SEC14L5: variants seen among roughly 807,000 people sequenced by gnomAD.
SEC14L5 encodes the protein SEC14 like lipid binding 5.
Under a neutral mutation model 84.6 loss-of-function variants are expected in SEC14L5, and 96 were observed. The observed-to-expected ratio is 1.13, with a 90% CI of 0.96 to 1.34. SEC14L5 has a LOEUF of 1.34. Ranked by LOEUF, SEC14L5 falls within the 40% of genes most tolerant of loss-of-function variation. SEC14L5 has a pLI of 0.00. For missense variants in SEC14L5, 1,224 were observed against 942.5 expected (o/e 1.30, Z -3.91); for synonymous variants, 546 against 383.4 (o/e 1.42, Z -4.95).
At chr16:4,960,949 C>T (rs1382115074) in intron 2 of SEC14L5, among the ~76,000 whole-genome samples, 1 of 152,112 alleles carries the variant, frequency 6.6e-6, no homozygotes, top group East Asian at 1.9e-4. Context: ...CTGTGCTCTG[C>T]CATGCTCTGG....
In SEC14L5 at chr16:4,988,008, TC is replaced by T. The variant is rs913340389; in HGVS notation, c.214-139del. 4.6e-6 allele frequency: 4 copies of T among 878,274 alleles called. No individual in the cohort carries two copies. In the African/African-American group the frequency reaches 6.8e-5, roughly 15 times the overall value. The allele number at this position is 878,274 out of a possible 1,614,324, so 54.4% of individuals were successfully genotyped here. ...GGAAGTCGGGGGTTGGTGTCCTGGGTCCGGGCTGGGTGGGCGGTGGCGCAAG... is the reference window on the plus strand; with the variant it reads ...GGAAGTCGGGGGTTGGTGTCCTGGGTCGGGCTGGGTGGGCGGTGGCGCAAG... On this transcript the variant is annotated intron_variant, in intron 3 of 15. Transcript: ENST00000251170.
intron 7 of SEC14L5, 120 bp from the exon 8 acceptor site, chr16:4,996,735 C>G: frequency 1.3e-6 from 1 of 783,172 alleles, no homozygotes; most frequent in South Asian, 1.9e-5. Context: ...CCACGCCTGG[C>G]TAATTTCTGT....
Position 4,996,887 on chromosome 16 carries a change from G to A in SEC14L5, c.813G>A (p.Leu271=). The A allele has an allele frequency of 6.2e-7, 1 of 1,613,504 alleles. No individual in the cohort carries two copies. ...AAGATGAGCACATCCTTCGGTTCCT[G>A]CGGGCTCATGACTTCCACCTGGACA... is the stretch of plus-strand genomic sequence containing the variant. ...IPKDEHILRF[L]RAHDFHLDKA... The change falls in exon 8 of 16, where the codon CTG becomes CTA. Residue 271 remains leucine, a synonymous_variant. Coordinates refer to ENST00000251170, the MANE Select transcript of SEC14L5 (RefSeq NM_014692.2).
chr16:4,992,841 T>C (rs1448749554), intron 6 of SEC14L5, among the ~76,000 whole-genome samples: 4 of 152,226 alleles, frequency 2.6e-5, no homozygotes, highest in African/African-American at 9.7e-5. Context: ...AAAATGTATA[T>C]ATACCCACAC....
chr16:4,992,417 A>G (rs769300825), intron 6 of SEC14L5, among the ~76,000 whole-genome samples: 2 of 151,936 alleles, frequency 1.3e-5, no homozygotes, highest in Admixed American at 6.6e-5. Context: ...CACCCGGCCA[A>G]TTTTTTCTAT....
At position 5,019,142 on chromosome 16, in the gene SEC14L5, T is replaced by C. The variant is rs539456210; in HGVS notation, c.*4172T>C. On this transcript the variant is annotated 3_prime_UTR_variant, in exon 16 of 16. Coordinates refer to ENST00000251170, the MANE Select transcript of SEC14L5 (RefSeq NM_014692.2). The stretch of plus-strand genomic sequence containing the variant: ...TGTGCTCCAACACGAGTTCGTAAAC[T>C]TTCTTAAAATACTGAGGTTTTTTGT... 5.9e-5 allele frequency: 9 copies of C among 152,370 alleles called. No individual in the cohort carries two copies. Among genetic ancestry groups the C allele is most frequent in the Admixed American group, 3.9e-4 (6 of 15,302 alleles). 9.4% of individuals were successfully genotyped at this position (152,370 alleles called of 1,614,324 possible).
At chr16:4,968,162 G>T (rs945550258) in intron 2 of SEC14L5, among the ~76,000 whole-genome samples, 1 of 151,354 alleles carries the variant, frequency 6.6e-6, no homozygotes, top group Non-Finnish European at 1.5e-5. Context: ...TGAGACCACA[G>T]GTGTTCACCA....
At chr16:4,975,064 T>C (rs989062849) in intron 2 of SEC14L5, among the ~76,000 whole-genome samples, 1 of 152,084 alleles carries the variant, frequency 6.6e-6, no homozygotes, top group Non-Finnish European at 1.5e-5. Flanking sequence ...AGGTGTGAGC[T>C]ACCGCGCCCA....
chr16:4,986,139 C>CTTTT (rs1322526710), intron 2 of SEC14L5, among the ~76,000 whole-genome samples: 1 of 150,316 alleles, frequency 6.7e-6, no homozygotes, highest in African/African-American at 2.5e-5. Context: ...TCTTCTTCTT[C>CTTTT]TTCTTTTTTT....
At chr16:5,002,298 A>ATTTT (rs71402579) in intron 10 of SEC14L5, among the ~76,000 whole-genome samples, 1,428 of 133,700 alleles carry the variant, frequency 0.011, 28 homozygotes, top group South Asian at 0.04. Context: ...CTGTTTGCAG[A>ATTTT]TTTTTTTTTT....
chr16:4,971,982 A>T (rs9940799), intron 2 of SEC14L5, among the ~76,000 whole-genome samples: 1 of 151,688 alleles, frequency 6.6e-6, no homozygotes, highest in Non-Finnish European at 1.5e-5. Flanking sequence ...AAACCATGAC[A>T]AATGCTTCTG....
intron 2 of SEC14L5, 94 bp from the exon 3 acceptor site, chr16:4,987,463 C>A: frequency 1.8e-6 from 2 of 1,115,026 alleles, no homozygotes; most frequent in Non-Finnish European, 1.2e-6. Context: ...CCTTTCCCGT[C>A]TGATAAGTGA....
intron 10 of SEC14L5, among the ~76,000 whole-genome samples, chr16:5,001,739 C>T (rs1955680579): frequency 6.6e-6 from 1 of 152,122 alleles, no homozygotes; most frequent in South Asian, 2.1e-4. Context: ...AGGCAGCAAA[C>T]CTTTCTGAGC....
chr16:4,978,249 T>C (rs73527345), intron 2 of SEC14L5, among the ~76,000 whole-genome samples: 45 of 46 alleles, frequency 0.98, 22 homozygotes, highest in Non-Finnish European at 1. Flanking sequence ...CCCGTCTCTA[T>C]TAAAAATACA....
At chr16:4,997,144 G>C in intron 8 of SEC14L5, 100 bp downstream of exon 8, 3 of 864,952 alleles carry the variant, frequency 3.5e-6, no homozygotes, top group South Asian at 3.9e-5. Flanking sequence ...TGTCACCCAG[G>C]CTGGAGTGCA....
chr16:5,010,517 G>A (rs1955787831), intron 14 of SEC14L5, among the ~76,000 whole-genome samples: 1 of 152,236 alleles, frequency 6.6e-6, no homozygotes, highest in African/African-American at 2.4e-5. Context: ...CACACACGCA[G>A]CACCAGCTCC....
intron 2 of SEC14L5, among the ~76,000 whole-genome samples, chr16:4,975,751 G>A (rs1372310982): frequency 7.2e-5 from 11 of 152,232 alleles, no homozygotes; most frequent in Admixed American, 6.5e-5. Flanking sequence ...TCTGTGCTGA[G>A]GTCCCCTAGA....
In SEC14L5 at chr16:4,964,980, T is replaced by G. The variant is rs1962817; in HGVS notation, c.63+5594T>G. 2.0e-5 allele frequency among the ~76,000 whole-genome samples: 3 copies of G among 151,990 alleles called. No homozygotes were observed. The East Asian group carries it at 5.8e-4, about 29-fold the overall frequency. On this transcript the variant is annotated intron_variant, in intron 2 of 15. Coordinates refer to ENST00000251170, the MANE Select transcript of SEC14L5 (RefSeq NM_014692.2). ...TCCTGGCCCCAGGTGATCTGCCCAC[T>G]TTGGACTCCCAAAGTGCTAGGATTA...
chr16:4,984,555 G>A (rs1020859804), intron 2 of SEC14L5, among the ~76,000 whole-genome samples: 1 of 152,148 alleles, frequency 6.6e-6, no homozygotes, highest in Admixed American at 6.6e-5. Flanking sequence ...ATACCTATGA[G>A]TGGAATTGCT....
Sources: allele counts gnomAD v4.1 joint callset (sites outside exome capture counted in the v4.1 genomes callset), GRCh38; gene constraint gnomAD v4.1.1; transcripts MANE v1.5; gene names NCBI Gene and HGNC (gene_info 2026-07-23, HGNC 2026-07-21).